The following OGDHL variants were observed in gnomAD, a reference collection of about 807,000 sequenced individuals.
The protein encoded by OGDHL is 2-oxoglutarate dehydrogenase-like, mitochondrial.
OGDHL carries 79 observed loss-of-function variants against 109.6 expected under a neutral mutation model. The ratio of observed to expected loss-of-function variants is 0.72; its 90% confidence interval spans 0.60 to 0.87. The LOEUF is 0.87. OGDHL is among the 40% of genes least tolerant of loss of function. OGDHL has a pLI of 0.00. For missense variants in OGDHL, 1,275 were observed against 1,362.2 expected, an observed-to-expected ratio of 0.94 and a Z score of 1.01; for synonymous variants, 528 against 537.2, an observed-to-expected ratio of 0.98 and a Z score of 0.24.
chr10:49,760,542 C>T (rs1002413399), intron 1 of OGDHL, among the ~76,000 whole-genome samples: 1 of 152,224 alleles, frequency 6.6e-6, no homozygotes, highest in Non-Finnish European at 1.5e-5. Flanking sequence ...CAACCCAGGA[C>T]GCTTTATCAT....
chr10:49,744,566 C>A lies in OGDHL; in HGVS notation c.1732+84G>T, dbSNP rs1205445855. The A allele has an allele frequency of 3.7e-6, 4 of 1,081,274 alleles. No homozygotes were observed. In the Admixed American group the frequency reaches 7.3e-5, roughly 20 times the overall value. 67.0% of individuals were successfully genotyped at this position (1,081,274 alleles called of 1,614,324 possible). A position where few individuals can be genotyped will look rare whatever the true frequency, so the allele number is the denominator to read the frequency against. On this transcript the variant is annotated intron_variant, in intron 13 of 22. Transcript: ENST00000374103. Reference sequence around the variant, plus strand: ...CTCTAGACTAGGCAATGACAGCTGTCACCCAGGGCCATTCCAGTCCTGATC... The same window carrying A: ...CTCTAGACTAGGCAATGACAGCTGTAACCCAGGGCCATTCCAGTCCTGATC...
chr10:49,736,729 C>T (rs1211366939), intron 20 of OGDHL, among the ~76,000 whole-genome samples: 1 of 152,132 alleles, frequency 6.6e-6, no homozygotes, highest in African/African-American at 2.4e-5. Flanking sequence ...GTGGAGACAC[C>T]CAAGGGTTGA....
At chr10:49,735,463 C>G (rs932667696) in intron 22 of OGDHL, 112 bp from the exon 23 acceptor site, 72 of 1,301,920 alleles carry the variant, frequency 5.5e-5, no homozygotes, top group Non-Finnish European at 7.3e-5. Context: ...GACCTCGAAG[C>G]CATAGACCCT....
intron 2 of OGDHL, 97 bp downstream of exon 2, chr10:49,758,292 C>G (rs1843035146): frequency 2.4e-6 from 3 of 1,247,314 alleles, no homozygotes; most frequent in South Asian, 2.8e-5. Context: ...CAGGATCACA[C>G]AGCAGGCAAG....
At chr10:49,739,861 G>A in intron 16 of OGDHL, 22 bp from the exon 17 acceptor site, 3 of 1,605,594 alleles carry the variant, frequency 1.9e-6, no homozygotes, top group Non-Finnish European at 1.7e-6. Context: ...ACAAGATAGA[G>A]CTTGCTGCAC....
In OGDHL at chr10:49,742,856, C is replaced by T. The variant is rs956937408; in HGVS notation, c.1984G>A (p.Gly662Arg). Reference protein sequence around the residue: ...LKEGIHVRLSGQDVERGTFSH... With the variant: ...LKEGIHVRLSRQDVERGTFSH... ...AATGTGCCCCTCTCCACATCCTGCC[C>T]GCTGAGCCGCACGTGGATGCCTTCC... Residue 662 changes from glycine to arginine, a missense_variant, in exon 15 of 23, where the codon GGG (glycine) becomes AGG (arginine). By Grantham distance (125) the Gly-to-Arg change is moderately radical (BLOSUM62 -2). Transcript: ENST00000374103. 32 of 1,613,538 alleles carry T rather than the reference C, an allele frequency of 2.0e-5. No individual in the cohort carries two copies. The highest frequency in any genetic ancestry group is 3.3e-4 in the Middle Eastern group (2 of 6,064).
intron 17 of OGDHL, 142 bp downstream of exon 17, chr10:49,739,519 G>A: frequency 1.0e-6 from 1 of 972,508 alleles, no homozygotes; most frequent in South Asian, 1.9e-5. Context: ...CACATGTGCA[G>A]ACCCCACCCT....
At chr10:49,739,589 C>A in intron 17 of OGDHL, 72 bp downstream of exon 17, 1 of 1,545,024 alleles carries the variant, frequency 6.5e-7, no homozygotes, top group South Asian at 1.2e-5. Flanking sequence ...CGACAAGGGG[C>A]CCAGGGTCCA....
At chr10:49,760,196 G>GA (rs1843184239) in intron 1 of OGDHL, among the ~76,000 whole-genome samples, 3 of 152,246 alleles carry the variant, frequency 2.0e-5, no homozygotes, top group Admixed American at 1.3e-4. Context: ...CCACTGCAGG[G>GA]AGGAGGGAGG....
At position 49,745,706 on chromosome 10, in the gene OGDHL, C is replaced by A. The variant is rs938687391; in HGVS notation, c.1476+92G>T. Reference sequence around the variant, plus strand: ...TCTCTCATCCAAGAAGCACTCCCAGCCCTGAGTGCTGAAGATGCTGATGAC... The same window carrying A: ...TCTCTCATCCAAGAAGCACTCCCAGACCTGAGTGCTGAAGATGCTGATGAC... On this transcript the variant is annotated intron_variant, in intron 11 of 22. Coordinates refer to ENST00000374103, the MANE Select transcript of OGDHL (RefSeq NM_018245.3). 8.1e-6 allele frequency: 12 copies of A among 1,473,116 alleles called. No homozygotes were observed. The African/African-American group carries it at 8.3e-5, about 10-fold the overall frequency. 91.3% of individuals were successfully genotyped at this position (1,473,116 alleles called of 1,614,324 possible).
At chr10:49,754,487 T>A (rs570522712) in intron 3 of OGDHL, among the ~76,000 whole-genome samples, 2 of 152,306 alleles carry the variant, frequency 1.3e-5, no homozygotes, top group African/African-American at 4.8e-5. Context: ...AATCTGCACC[T>A]CAGGATAAAC....
chr10:49,739,747 T>C lies in OGDHL; in HGVS notation c.2233A>G (p.Ile745Val). Reference sequence around the variant, plus strand: ...TGGCCGGTGCTGATGAACTGGTCGATGATGCACTGGGCCGTGTTGTGGAAG... The same window carrying C: ...TGGCCGGTGCTGATGAACTGGTCGACGATGCACTGGGCCGTGTTGTGGAAG... ...GDFHNTAQCIIDQFISTGQAK... is the reference protein window; with the variant it reads ...GDFHNTAQCIVDQFISTGQAK... The change falls in exon 17 of 23, where the codon ATC (isoleucine) becomes GTC (valine). Residue 745 changes from isoleucine (I) to valine (V), a missense_variant. Transcript: ENST00000374103. 2 of 1,614,164 alleles carry C rather than the reference T, an allele frequency of 1.2e-6. No individual in the cohort carries two copies. The highest frequency in any genetic ancestry group is 8.5e-7 in the Non-Finnish European group (1 of 1,180,002).
rs114355276 is a variant in OGDHL, at chr10:49,746,681, C to T, written c.1296+69G>A. Reference sequence around the variant, plus strand: ...AGAGCCAGGAGCATCTCACTTTCCCCGCAAGCTACTGCCTGGATTTCCAGG... The same window carrying T: ...AGAGCCAGGAGCATCTCACTTTCCCTGCAAGCTACTGCCTGGATTTCCAGG... On this transcript the variant is annotated intron_variant, in intron 10 of 22. Transcript: ENST00000374103. 2.9e-3 allele frequency: 4,575 copies of T among 1,584,656 alleles called. 93 individuals carry two copies. The African/African-American group carries it at 0.052, about 18-fold the overall frequency.
intron 3 of OGDHL, among the ~76,000 whole-genome samples, chr10:49,755,547 T>C (rs572353178): frequency 4.0e-4 from 61 of 152,326 alleles, no homozygotes; most frequent in Non-Finnish European, 6.5e-4. Context: ...AAAATGCTTA[T>C]AATAATACAG....
intron 15 of OGDHL, among the ~76,000 whole-genome samples, chr10:49,741,431 A>G (rs574026202): frequency 1.3e-5 from 2 of 152,232 alleles, no homozygotes; most frequent in South Asian, 2.1e-4. Context: ...ATAAGCAACC[A>G]GGAATGAGAA....
At position 49,738,020 on chromosome 10, in the gene OGDHL, A is replaced by G; in HGVS notation, c.2444T>C (p.Val815Ala). 1 of 1,614,130 alleles carries G rather than the reference A, an allele frequency of 6.2e-7. No individual in the cohort carries two copies. Among genetic ancestry groups the G allele is most frequent in the Non-Finnish European group, 8.5e-7 (1 of 1,180,022 alleles). ...GTTGGCCGGTGTGGAGCAGTTGACC[A>G]CGATCCAGTTGCAGTCATAGAGCTG... ...VSQLYDCNWI[V>A]VNCSTPANYF... The change falls in exon 19 of 23, where the codon GTG becomes GCG. Residue 815 changes from valine to alanine, a missense_variant. Physicochemically the swap from Val to Ala is moderately conservative, Grantham distance 64. Transcript: ENST00000374103.
In OGDHL at chr10:49,756,850, C is replaced by T; in HGVS notation, c.301G>A (p.Val101Ile). ...TTGCTGGTCTTGGTCCGACTTGAGACTGCAGACCTGCTCTCATGGACAACA... is the reference window on the plus strand; with the variant it reads ...TTGCTGGTCTTGGTCCGACTTGAGATTGCAGACCTGCTCTCATGGACAACA... Reference protein sequence around the residue: ...PSVVHESRSAVSSRTKTSKLV... With the variant: ...PSVVHESRSAISSRTKTSKLV... The change falls in exon 3 of 23, where the codon GTC becomes ATC. Residue 101 changes from valine to isoleucine, a missense_variant. By Grantham distance (29) the Val-to-Ile change is conservative. Transcript: ENST00000374103. The T allele has an allele frequency of 6.2e-7, 1 of 1,614,148 alleles. No individual in the cohort carries two copies. Among genetic ancestry groups the T allele is most frequent in the Non-Finnish European group, 8.5e-7 (1 of 1,179,994 alleles).
chr10:49,743,389 A>AC (rs1841938602), intron 14 of OGDHL, among the ~76,000 whole-genome samples: 1 of 113,420 alleles, frequency 8.8e-6, no homozygotes, highest in Non-Finnish European at 2.1e-5. Flanking sequence ...GCCCCAGGAC[A>AC]TTCGGTCTCG....
rs763261589 is a variant in OGDHL at position 49,736,457 on chromosome 10, T to A, written c.2654A>T (p.Gln885Leu). The A allele has an allele frequency of 6.2e-7, 1 of 1,613,896 alleles. No homozygotes were observed. Among genetic ancestry groups the A allele is most frequent in the Non-Finnish European group, 8.5e-7 (1 of 1,180,036 alleles). Reference protein sequence around the residue: ...GAAARAPEQVQRLIFCTGKVY... With the variant: ...GAAARAPEQVLRLIFCTGKVY... The stretch of plus-strand genomic sequence containing the variant: ...CTTTCCCGTGCAGAAGATGAGCCGC[T>A]GCACCTGCTCAGGGGCCCGTGCTGC... The change falls in exon 21 of 23, where the codon CAG (glutamine) becomes CTG (leucine). Residue 885 changes from glutamine to leucine, a missense_variant. Coordinates refer to ENST00000374103, the MANE Select transcript of OGDHL (RefSeq NM_018245.3).
Sources: allele counts gnomAD v4.1 joint callset (sites outside exome capture counted in the v4.1 genomes callset), GRCh38; gene constraint gnomAD v4.1.1; transcripts MANE v1.5; gene names NCBI Gene and HGNC (gene_info 2026-07-23, HGNC 2026-07-21).